Variants in LUZP2 observed in about 807,000 individuals in gnomAD.
LUZP2 encodes the protein leucine zipper protein 2.
In LUZP2, 52 loss-of-function variants were observed where a neutral mutation model predicts 51.6. The ratio of observed to expected loss-of-function variants is 1.01; its 90% CI spans 0.81 to 1.27. The LOEUF is 1.27. LUZP2 is among the 50% of genes most tolerant of loss of function. The pLI, the probability that LUZP2 is intolerant of heterozygous loss-of-function variation, is 0.00. For synonymous variants in LUZP2, 154 were observed against 137.3 expected, an observed-to-expected ratio of 1.12 and a Z score of -0.85; for missense variants, 436 against 395.4, an observed-to-expected ratio of 1.10 and a Z score of -0.87.
At chr11:24,572,389 AC>A (rs1248170338) in intron 1 of LUZP2, among the ~76,000 whole-genome samples, 3 of 151,986 alleles carry the variant, frequency 2.0e-5, no homozygotes, top group Non-Finnish European at 4.4e-5. Flanking sequence ...CAGTTTATAT[AC>A]TTTTTTTTTG....
chr11:25,017,822 T>C (rs1448560049), intron 9 of LUZP2, among the ~76,000 whole-genome samples: 1 of 152,144 alleles, frequency 6.6e-6, no homozygotes, highest in African/African-American at 2.4e-5. Flanking sequence ...TGAAAAATGA[T>C]GTGGTAGATT....
chr11:24,664,804 C>T (rs752622730), intron 1 of LUZP2, among the ~76,000 whole-genome samples: 8 of 152,114 alleles, frequency 5.3e-5, no homozygotes, highest in South Asian at 2.1e-4. Context: ...ACCTAGATTT[C>T]AGAGGATGTA....
At chr11:24,614,243 A>G (rs1854214834) in intron 1 of LUZP2, among the ~76,000 whole-genome samples, 1 of 151,898 alleles carries the variant, frequency 6.6e-6, no homozygotes, top group Non-Finnish European at 1.5e-5. Context: ...AGTCCATTCC[A>G]TTTTTGGTAA....
At chr11:25,006,583 G>T (rs185544484) in intron 9 of LUZP2, among the ~76,000 whole-genome samples, 1 of 152,104 alleles carries the variant, frequency 6.6e-6, no homozygotes, top group African/African-American at 2.4e-5. Context: ...CACACTAGTC[G>T]CTTTTAACTG....
At chr11:24,997,339 C>T (rs529352858) in intron 9 of LUZP2, among the ~76,000 whole-genome samples, 38 of 152,172 alleles carry the variant, frequency 2.5e-4, no homozygotes, top group Middle Eastern at 3.4e-3. Context: ...TATCCCATTG[C>T]GGTTTTGATT....
chr11:24,753,061 T>C (rs968605281), intron 4 of LUZP2, among the ~76,000 whole-genome samples: 1 of 152,134 alleles, frequency 6.6e-6, no homozygotes, highest in Admixed American at 6.6e-5. Context: ...GAAGACACTA[T>C]ATACTCGCAA....
At chr11:24,836,450 G>A (rs750287187) in intron 5 of LUZP2, among the ~76,000 whole-genome samples, 4 of 151,732 alleles carry the variant, frequency 2.6e-5, no homozygotes, top group Non-Finnish European at 4.4e-5. Flanking sequence ...AGAAATAAAG[G>A]AGGTTGAGGC....
intron 1 of LUZP2, among the ~76,000 whole-genome samples, chr11:24,720,742 A>G (rs995278952): frequency 6.6e-6 from 1 of 152,186 alleles, no homozygotes; most frequent in Non-Finnish European, 1.5e-5. Flanking sequence ...CCTGTCGCCC[A>G]GGCTGGAGTG....
intron 1 of LUZP2, among the ~76,000 whole-genome samples, chr11:24,727,605 C>T (rs1238910945): frequency 6.6e-6 from 1 of 151,802 alleles, no homozygotes; most frequent in South Asian, 2.1e-4. Flanking sequence ...CAAATTGGGG[C>T]ATAAAGTAAG....
At chr11:25,074,775 C>T (rs923510529) in intron 10 of LUZP2, among the ~76,000 whole-genome samples, 1 of 151,968 alleles carries the variant, frequency 6.6e-6, no homozygotes, top group African/African-American at 2.4e-5. Flanking sequence ...ATTTATAGGA[C>T]AGAATTATCA....
intron 4 of LUZP2, among the ~76,000 whole-genome samples, chr11:24,742,347 A>T (rs1047764355): frequency 3.3e-5 from 5 of 151,872 alleles, no homozygotes; most frequent in Non-Finnish European, 5.9e-5. Context: ...TGATCACTGC[A>T]TTTATGCCAA....
At chr11:24,702,474 C>A (rs1857447173) in intron 1 of LUZP2, among the ~76,000 whole-genome samples, 1 of 152,158 alleles carries the variant, frequency 6.6e-6, no homozygotes, top group Admixed American at 6.5e-5. Context: ...GGTATCTGCT[C>A]ATCTTCTGCT....
intron 5 of LUZP2, among the ~76,000 whole-genome samples, chr11:24,869,552 G>A (rs749903161): frequency 1.8e-4 from 27 of 151,998 alleles, no homozygotes; most frequent in Non-Finnish European, 2.9e-4. Flanking sequence ...TGCCTTCGGG[G>A]TTCAAGTGAT....
chr11:24,995,089 T>C (rs1856453384), intron 9 of LUZP2, among the ~76,000 whole-genome samples: 1 of 152,218 alleles, frequency 6.6e-6, no homozygotes, highest in Non-Finnish European at 1.5e-5. Flanking sequence ...TAGGTTTTGC[T>C]TTTAAAAATG....
intron 5 of LUZP2, among the ~76,000 whole-genome samples, chr11:24,774,932 C>T (rs1317367868): frequency 1.3e-5 from 2 of 150,334 alleles, no homozygotes; most frequent in African/African-American, 4.9e-5. Flanking sequence ...TCTAGAACTT[C>T]TTTTCCCAGA....
rs1565273218 is a variant in LUZP2, at chr11:25,044,060, G to GTCTATATATATATCTGATATATATAT, written c.766-5978_766-5977insTCTATATATATATCTGATATATATAT. ...TCTATATATATATCTGATATATATA[G>GTCTATATATATATCTGATATATATAT]AGTCTATATATATCTGATAAGACTA... On this transcript the variant is annotated intron_variant, in intron 9 of 11. Coordinates refer to ENST00000336930, the MANE Select transcript of LUZP2 (RefSeq NM_001009909.4). Among the ~76,000 whole-genome samples, 111 of 102,284 alleles carry GTCTATATATATATCTGATATATATAT rather than the reference G, an allele frequency of 1.1e-3. 1 individual carries two copies. The highest frequency in any genetic ancestry group is 2.2e-3 in the African/African-American group (41 of 18,606). 67.1% of individuals were successfully genotyped at this position (102,284 alleles called of 152,430 possible). A position where few individuals can be genotyped will look rare whatever the true frequency, so the allele number is the denominator to read the frequency against.
At chr11:24,703,065 G>A (rs1160535524) in intron 1 of LUZP2, among the ~76,000 whole-genome samples, 1 of 152,220 alleles carries the variant, frequency 6.6e-6, no homozygotes, top group Non-Finnish European at 1.5e-5. Flanking sequence ...AGTTATGAAT[G>A]TGAAGAATGA....
chr11:24,782,439 A>G (rs2134076878), intron 5 of LUZP2, among the ~76,000 whole-genome samples: 1 of 152,168 alleles, frequency 6.6e-6, no homozygotes, highest in Admixed American at 6.6e-5. Flanking sequence ...GCCAGGACTC[A>G]ATGATGGATT....
chr11:24,809,892 A>C (rs1849967261), intron 5 of LUZP2, among the ~76,000 whole-genome samples: 2 of 152,136 alleles, frequency 1.3e-5, no homozygotes, highest in South Asian at 4.1e-4. Flanking sequence ...TACTTGGCAC[A>C]TTACCTAGAA....
Sources: gnomAD v4.1 joint callset for allele counts (sites outside exome capture counted in the v4.1 genomes callset) on GRCh38, gnomAD v4.1.1 for gene constraint, MANE v1.5 for transcripts, NCBI Gene and HGNC (gene_info 2026-07-23, HGNC 2026-07-21) for gene names.